Variants in GRM3 observed in about 807,000 individuals in gnomAD.
GRM3 encodes metabotropic glutamate receptor 3.
GRM3 carries 26 observed loss-of-function variants against 70.5 expected under a neutral mutation model. That is an observed-to-expected ratio of 0.37 (90% CI 0.27 to 0.51). GRM3 has a LOEUF of 0.51. Among genes scored for constraint, GRM3 ranks in the 20% least tolerant of loss-of-function variants. The pLI is 0.93. For missense variants in GRM3, 859 were observed against 1,123.8 expected (o/e 0.76, Z 3.37); for synonymous variants, 443 against 434.9 (o/e 1.02, Z -0.23).
chr7:86,801,947 T>C (rs933533009), intron 3 of GRM3, among the ~76,000 whole-genome samples: 1 of 152,180 alleles, frequency 6.6e-6, no homozygotes, highest in African/African-American at 2.4e-5. Context: ...TATAAACTTC[T>C]CTAAAACCAC....
chr7:86,713,431 C>T (rs766427551), intron 1 of GRM3, among the ~76,000 whole-genome samples: 13 of 152,022 alleles, frequency 8.6e-5, no homozygotes, highest in Non-Finnish European at 1.9e-4. Flanking sequence ...ACCTATGTCT[C>T]ATGTAACTAT....
In GRM3 at chr7:86,803,519, G is replaced by A. The variant is rs540180702; in HGVS notation, c.1324+16403G>A. Among the ~76,000 whole-genome samples, 17 of 152,242 alleles carry A rather than the reference G, an allele frequency of 1.1e-4. No homozygotes were observed. In the East Asian group the frequency reaches 1.2e-3, roughly 10 times the overall value. On this transcript the variant is annotated intron_variant, in intron 3 of 5. Coordinates refer to ENST00000361669, the MANE Select transcript of GRM3 (RefSeq NM_000840.3). Reference sequence around the variant, plus strand: ...ATCTCATGGTTTTATTTAAAATATTGTAGCAATATTTAGGATGCTGATAGA... The same window carrying A: ...ATCTCATGGTTTTATTTAAAATATTATAGCAATATTTAGGATGCTGATAGA...
chr7:86,693,280 A>G (rs1190201830), intron 1 of GRM3, among the ~76,000 whole-genome samples: 1 of 152,200 alleles, frequency 6.6e-6, no homozygotes, highest in Non-Finnish European at 1.5e-5. Context: ...CAGGAAGTAG[A>G]AGTTGCATAC....
intron 1 of GRM3, among the ~76,000 whole-genome samples, chr7:86,666,385 G>A (rs1794026672): frequency 6.6e-6 from 1 of 151,976 alleles, no homozygotes; most frequent in Admixed American, 6.6e-5. Context: ...CCTTTTTCAG[G>A]ATTAACATAC....
intron 1 of GRM3, among the ~76,000 whole-genome samples, chr7:86,674,454 T>C (rs1366815176): frequency 3.3e-5 from 5 of 152,178 alleles, no homozygotes; most frequent in Admixed American, 3.3e-4. Flanking sequence ...TAGAAGCGAG[T>C]CATTAGGTTC....
At chr7:86,807,369 A>G (rs1463739827) in intron 3 of GRM3, among the ~76,000 whole-genome samples, 2 of 138,108 alleles carry the variant, frequency 1.4e-5, no homozygotes, top group Non-Finnish European at 3.1e-5. Context: ...GATTCTTCCT[A>G]TCCATGAGCA....
intron 3 of GRM3, among the ~76,000 whole-genome samples, chr7:86,822,585 G>A (rs952365332): frequency 6.6e-6 from 1 of 152,166 alleles, no homozygotes; most frequent in Non-Finnish European, 1.5e-5. Context: ...GAGCACTTAG[G>A]TTCTGTCATG....
intron 3 of GRM3, among the ~76,000 whole-genome samples, chr7:86,800,077 A>C (rs991684373): frequency 1.3e-5 from 2 of 152,228 alleles, no homozygotes; most frequent in African/African-American, 2.4e-5. Flanking sequence ...GAAATCAAAA[A>C]GTTCTTTGAA....
chr7:86,665,023 C>A (rs1180265758), intron 1 of GRM3, among the ~76,000 whole-genome samples: 1 of 151,960 alleles, frequency 6.6e-6, no homozygotes, highest in African/African-American at 2.4e-5. Context: ...TCTTGCAATA[C>A]AATAATTTTA....
intron 1 of GRM3, among the ~76,000 whole-genome samples, chr7:86,683,539 C>T (rs748894014): frequency 6.6e-6 from 1 of 152,128 alleles, no homozygotes; most frequent in Non-Finnish European, 1.5e-5. Flanking sequence ...AGATTGAATA[C>T]ACTGAGGACT....
At chr7:86,823,614 G>C (rs1584265327) in intron 3 of GRM3, among the ~76,000 whole-genome samples, 2 of 126,818 alleles carry the variant, frequency 1.6e-5, no homozygotes, top group African/African-American at 6.1e-5. Context: ...TTGGCGGGGG[G>C]GGATTAGTGC....
At chr7:86,781,869 G>A (rs977319059) in intron 2 of GRM3, among the ~76,000 whole-genome samples, 6 of 152,010 alleles carry the variant, frequency 3.9e-5, no homozygotes, top group African/African-American at 1.4e-4. Flanking sequence ...CTGTCTTTGA[G>A]TACGTTTAAC....
At chr7:86,816,460 A>G (rs780973902) in intron 3 of GRM3, among the ~76,000 whole-genome samples, 1 of 151,788 alleles carries the variant, frequency 6.6e-6, no homozygotes, top group Non-Finnish European at 1.5e-5. Context: ...TCCACCCTCA[A>G]GTAGGCCCAG....
intron 3 of GRM3, among the ~76,000 whole-genome samples, chr7:86,788,038 G>A (rs972611542): frequency 7.9e-5 from 12 of 152,116 alleles, no homozygotes; most frequent in Non-Finnish European, 1.8e-4. Flanking sequence ...AATATTTGGG[G>A]CACAAAGATT....
At position 86,764,954 on chromosome 7, in the gene GRM3, A is replaced by G. The variant is rs1025064803; in HGVS notation, c.-140-52A>G. 6.8e-5 allele frequency: 90 copies of G among 1,322,344 alleles called. No individual in the cohort carries two copies. In the East Asian group the frequency reaches 2.2e-3, roughly 32 times the overall value. 81.9% of individuals were successfully genotyped at this position (1,322,344 alleles called of 1,614,324 possible). ...GGTCTGATTGGGCATGATCGATGTA[A>G]TCACTGTTGCTTTCTTTACCATTTT... On this transcript the variant is annotated intron_variant, in intron 1 of 5. Transcript: ENST00000361669.
chr7:86,705,681 G>A (rs1795041255), intron 1 of GRM3, among the ~76,000 whole-genome samples: 1 of 151,758 alleles, frequency 6.6e-6, no homozygotes, highest in Admixed American at 6.6e-5. Flanking sequence ...GCACTTTTTT[G>A]GATCAAATGC....
At position 86,786,449 on chromosome 7, in the gene GRM3, G is replaced by A. The variant is rs770542885; in HGVS notation, c.657G>A (p.Glu219=). 1 of 1,614,246 alleles carries A rather than the reference G, an allele frequency of 6.2e-7. No homozygotes were observed. Among genetic ancestry groups the A allele is most frequent in the Admixed American group, 1.7e-5 (1 of 60,036 alleles). Residue 219 remains glutamate (E), a synonymous_variant, in exon 3 of 6, where the codon GAG becomes GAA. Coordinates refer to ENST00000361669, the MANE Select transcript of GRM3 (RefSeq NM_000840.3). This position sits in a 1 kb window ranked among gnomAD's most constrained non-coding sequence, Gnocchi z 6.0. ...NWTYVSTVAS[E]GDYGETGIEA... is the part of the protein sequence containing the mutation. ...CCTACGTGTCCACAGTAGCCTCCGA[G>A]GGTGATTACGGGGAGACAGGGATCG...
intron 1 of GRM3, among the ~76,000 whole-genome samples, chr7:86,682,612 G>A (rs1334429686): frequency 2.0e-5 from 3 of 152,146 alleles, no homozygotes; most frequent in African/African-American, 7.2e-5. Flanking sequence ...CCATGAAGTA[G>A]AAAATCATCC....
chr7:86,671,560 T>C (rs762512706), intron 1 of GRM3, among the ~76,000 whole-genome samples: 2 of 152,178 alleles, frequency 1.3e-5, no homozygotes, highest in Non-Finnish European at 2.9e-5. Flanking sequence ...ACCACCTATC[T>C]ATTAATATCT....
Sources: gnomAD v4.1 joint callset for allele counts (sites outside exome capture counted in the v4.1 genomes callset) on GRCh38, gnomAD v4.1.1 for gene constraint, Gnocchi (gnomAD v3.1) non-coding constraint, MANE v1.5 for transcripts, NCBI Gene and HGNC (gene_info 2026-07-23, HGNC 2026-07-21) for gene names.